Variants in SPATA1 observed in about 807,000 individuals in gnomAD.
The protein encoded by SPATA1 is spermatogenesis associated 1.
A neutral mutation model predicts 59.6 loss-of-function variants in SPATA1; 57 were observed. The ratio of observed to expected loss-of-function variants is 0.96; its 90% CI spans 0.77 to 1.19. SPATA1 has a LOEUF of 1.19. Ranked by LOEUF, SPATA1 falls within the 50% of genes most tolerant of loss-of-function variation. SPATA1 has a pLI of 0.00. For synonymous variants in SPATA1, 147 were observed against 163.9 expected, an observed-to-expected ratio of 0.90 and a Z score of 0.79; for missense variants, 448 against 480.7, an observed-to-expected ratio of 0.93 and a Z score of 0.64.
At chr1:84,550,906 G>A (rs746092180) in intron 12 of SPATA1, 19 of 977,678 alleles carry the variant, frequency 1.9e-5, no homozygotes, top group Non-Finnish European at 2.3e-5. Context: ...ATGGGTAATC[G>A]TTTCATTTTT....
At position 84,521,159 on chromosome 1, in the gene SPATA1, AGAAG is replaced by A. The variant is rs537317138; in HGVS notation, c.143+484_143+487del. Reference sequence around the variant, plus strand: ...AGGGAAAAAGAAAGAGGGAGAGAGAAGAAGGAAGGAAGGAAGGAAAGAAGAACGG... The same window carrying A: ...AGGGAAAAAGAAAGAGGGAGAGAGAAGAAGGAAGGAAGGAAAGAAGAACGG... On this transcript the variant is annotated intron_variant, in intron 3 of 12. Coordinates refer to ENST00000490879, the Ensembl canonical transcript of SPATA1. Among the ~76,000 whole-genome samples, 26 of 140,882 alleles carry A rather than the reference AGAAG, an allele frequency of 1.8e-4. No individual in the cohort carries two copies. The East Asian group carries it at 2.0e-3, about 11-fold the overall frequency. 92.4% of individuals were successfully genotyped at this position (140,882 alleles called of 152,430 possible).
chr1:84,563,607 AAAAT>A (rs1402623827), intron 4 of SPATA1: 5 of 674,786 alleles, frequency 7.4e-6, no homozygotes, highest in African/African-American at 3.8e-5. Context: ...CATAGAAGTA[AAAAT>A]AAATAATTTT....
chr1:84,553,513 CTTAAT>C (rs904864743), exon 13 of SPATA1: 8 of 152,108 alleles, frequency 5.3e-5, no homozygotes, highest in African/African-American at 1.9e-4. Flanking sequence ...CTTCATTTAA[CTTAAT>C]TTGTTCATTA....
intron 3 of SPATA1, among the ~76,000 whole-genome samples, chr1:84,521,940 C>G (rs1379133622): frequency 6.6e-6 from 1 of 152,042 alleles, no homozygotes; most frequent in Non-Finnish European, 1.5e-5. Flanking sequence ...CAAAGTATCC[C>G]TAATAAGCAA....
chr1:84,514,771 G>C (rs1193972166), intron 1 of SPATA1, among the ~76,000 whole-genome samples: 1 of 152,138 alleles, frequency 6.6e-6, no homozygotes, highest in Non-Finnish European at 1.5e-5. Context: ...AGTGGTTTGA[G>C]ACCAGCCTGG....
intron 1 of SPATA1, among the ~76,000 whole-genome samples, chr1:84,513,105 AG>A (rs1352753269): frequency 1.3e-5 from 2 of 152,118 alleles, no homozygotes; most frequent in Non-Finnish European, 2.9e-5. Context: ...GCATGCCTAA[AG>A]TTTTTTTGGT....
At chr1:84,539,606 TG>T (rs370554033) in intron 8 of SPATA1, among the ~76,000 whole-genome samples, 10 of 152,164 alleles carry the variant, frequency 6.6e-5, no homozygotes, top group African/African-American at 2.4e-4. Context: ...AACCATTTTT[TG>T]GGGGGGTTAC....
downstream of SPATA1, among the ~76,000 whole-genome samples, chr1:84,558,468 T>A (rs2102019340): frequency 6.6e-6 from 1 of 151,646 alleles, no homozygotes; most frequent in African/African-American, 2.4e-5. Context: ...TTTTTTTGTA[T>A]TTTTAGTAGA....
chr1:84,526,460 C>T (rs1683227960), intron 6 of SPATA1, among the ~76,000 whole-genome samples: 1 of 152,024 alleles, frequency 6.6e-6, no homozygotes, highest in Non-Finnish European at 1.5e-5. Context: ...CCAAGACAGA[C>T]AACAACAACA....
exon 5 of SPATA1, chr1:84,566,008 G>C: frequency 6.6e-7 from 1 of 1,520,536 alleles, no homozygotes. Context: ...TACATCAAAG[G>C]TTACCTGTGG....
chr1:84,534,437 CATGAGGTAG>C (rs1251555476), intron 8 of SPATA1, among the ~76,000 whole-genome samples: 1 of 152,022 alleles, frequency 6.6e-6, no homozygotes, highest in East Asian at 1.9e-4. Flanking sequence ...AAGGAAACTC[CATGAGGTAG>C]GTTATGGTTA....
exon 11 of SPATA1, chr1:84,548,934 A>G (rs779808417): frequency 6.9e-6 from 11 of 1,593,214 alleles, no homozygotes. Flanking sequence ...AGATGAGACC[A>G]AAGAATCTGG....
intron 4 of SPATA1, among the ~76,000 whole-genome samples, chr1:84,562,860 T>C (rs1270583924): frequency 6.6e-6 from 1 of 152,176 alleles, no homozygotes; most frequent in East Asian, 1.9e-4. Context: ...TTCCTCCCTA[T>C]GTAAGTCTCA....
downstream of SPATA1, among the ~76,000 whole-genome samples, chr1:84,558,455 A>G (rs1195964433): frequency 1.3e-5 from 2 of 151,094 alleles, no homozygotes; most frequent in Non-Finnish European, 3.0e-5. Context: ...ACGCCCGGCT[A>G]ATTTTTTTTG....
intron 6 of SPATA1, 124 bp downstream of exon 6, chr1:84,526,197 C>T: frequency 1.4e-6 from 1 of 732,530 alleles, no homozygotes. Flanking sequence ...AAGAAAGCTA[C>T]AATTCCACTT....
chr1:84,564,868 T>TA (rs936937826), intron 4 of SPATA1, among the ~76,000 whole-genome samples: 12 of 149,064 alleles, frequency 8.1e-5, no homozygotes, highest in African/African-American at 1.7e-4. Flanking sequence ...TCCATCTCCT[T>TA]AAAAAAAAAA....
intron 4 of SPATA1, chr1:84,563,200 T>A: frequency 8.4e-7 from 1 of 1,188,618 alleles, no homozygotes; most frequent in Non-Finnish European, 1.1e-6. Context: ...CATCTAATTA[T>A]GAAAATAATT....
chr1:84,539,386 A>G (rs1466486034), intron 8 of SPATA1, among the ~76,000 whole-genome samples: 1 of 152,254 alleles, frequency 6.6e-6, no homozygotes, highest in African/African-American at 2.4e-5. Context: ...AACTTAAATA[A>G]TGCCAAAATG....
chr1:84,560,095 AAAAAAGAAAG>A lies in SPATA1; in HGVS notation n.442+4120_442+4129del, dbSNP rs1190040136. 3.8e-5 allele frequency among the ~76,000 whole-genome samples: 5 copies of A among 133,200 alleles called. No individual in the cohort carries two copies. In the South Asian group the frequency reaches 7.3e-4, roughly 20 times the overall value. 87.4% of individuals were successfully genotyped at this position (133,200 alleles called of 152,430 possible). ...CAAGACTCTGTCTCAAAAAAAAAAA[AAAAAAGAAAG>A]AAAGAAAGAAAGAAAGAAAGAAAGA... On this transcript the variant is annotated intron_variant and non_coding_transcript_variant, in intron 4 of 4. Coordinates refer to the SPATA1 transcript ENST00000460286.
Sources: allele counts gnomAD v4.1 joint callset (sites outside exome capture counted in the v4.1 genomes callset), GRCh38; gene constraint gnomAD v4.1.1; transcripts MANE v1.5; gene names NCBI Gene and HGNC (gene_info 2026-07-23, HGNC 2026-07-21).